Variants in ANO1 observed in about 807,000 individuals in gnomAD.
ANO1 encodes anoctamin-1.
A neutral mutation model predicts 124.0 loss-of-function variants in ANO1; 59 were observed. The observed-to-expected ratio is 0.48, with a 90% confidence interval of 0.39 to 0.59. The LOEUF is 0.59. Ranked by LOEUF, ANO1 falls within the 20% of genes least tolerant of loss-of-function variation. ANO1 has a pLI of 0.00. For synonymous variants in ANO1, 529 were observed against 532.0 expected (o/e 0.99, Z 0.08); for missense variants, 1,059 against 1,328.0 (o/e 0.80, Z 3.15).
At chr11:70,075,233 A>G (rs571334378), upstream of ANO1, 4 of 152,290 alleles carry the variant, frequency 2.6e-5, no homozygotes, top group African/African-American at 9.6e-5. Flanking sequence ...CGGGATGGAA[A>G]TAAAATATCG....
intron 12 of ANO1, among the ~76,000 whole-genome samples, chr11:70,150,482 A>G (rs749580216): frequency 1.3e-5 from 2 of 152,312 alleles, no homozygotes; most frequent in East Asian, 1.9e-4. Flanking sequence ...AGGCGACCTC[A>G]TGCACGCGCT....
upstream of ANO1, among the ~76,000 whole-genome samples, chr11:69,984,261 T>C (rs554005264): frequency 2.1e-4 from 32 of 152,330 alleles, 1 homozygote; most frequent in South Asian, 6.4e-3. Flanking sequence ...ATCCATCCTC[T>C]TTTGCCCTCC....
chr11:70,179,357 A>G (rs1375777700), intron 22 of ANO1, among the ~76,000 whole-genome samples: 1 of 152,210 alleles, frequency 6.6e-6, no homozygotes, highest in Non-Finnish European at 1.5e-5. Flanking sequence ...TTCCTGGGCC[A>G]TTGAGGGCCT....
chr11:70,028,298 T>C (rs1591044068), intron 1 of ANO1, among the ~76,000 whole-genome samples: 1 of 152,294 alleles, frequency 6.6e-6, no homozygotes, highest in South Asian at 2.1e-4. Flanking sequence ...ACCAGGCGCC[T>C]TTCTCTGATG....
chr11:70,146,935 A>T (rs1251234713), intron 11 of ANO1, among the ~76,000 whole-genome samples: 1 of 152,006 alleles, frequency 6.6e-6, no homozygotes, highest in African/African-American at 2.4e-5. Flanking sequence ...GTGCCCACCC[A>T]GATGAAGGGT....
intron 2 of ANO1, among the ~76,000 whole-genome samples, chr11:70,090,001 TTG>T (rs1590699706): frequency 5.0e-4 from 43 of 85,664 alleles, no homozygotes; most frequent in African/African-American, 2.7e-3. Flanking sequence ...GTTTGTTTGT[TTG>T]TTTGTTTGTT....
chr11:70,161,567 G>C, intron 17 of ANO1, 55 bp from the exon 18 acceptor site: 1 of 1,575,768 alleles, frequency 6.3e-7, no homozygotes, highest in African/African-American at 1.3e-5. Flanking sequence ...GCTGGACCAG[G>C]CTGTTGGGGG....
intron 1 of ANO1, among the ~76,000 whole-genome samples, chr11:70,003,606 GAT>G (rs880002496): frequency 0.43 from 58,746 of 137,492 alleles, 13,006 homozygotes; most frequent in Admixed American, 0.49. Flanking sequence ...TGGATGGATG[GAT>G]GGATGGATGG....
chr11:70,188,216 T>A lies in ANO1; in HGVS notation c.*212T>A. ...AAGCCATTATGCAGGGAATATTTTTTAATCTGTAGTATTCAAGATGAATCA... is the reference window on the plus strand; with the variant it reads ...AAGCCATTATGCAGGGAATATTTTTAAATCTGTAGTATTCAAGATGAATCA... On this transcript the variant is annotated 3_prime_UTR_variant, in exon 26 of 26. Transcript: ENST00000355303. 1 of 626,050 alleles carries A rather than the reference T, an allele frequency of 1.6e-6. No individual in the cohort carries two copies. Among genetic ancestry groups the A allele is most frequent in the East Asian group, 2.8e-5 (1 of 35,696 alleles). The allele number at this position is 626,050 out of a possible 1,614,324, so 38.8% of individuals were successfully genotyped here. A position where few individuals can be genotyped will look rare whatever the true frequency, so the allele number is the denominator to read the frequency against.
intron 22 of ANO1, among the ~76,000 whole-genome samples, chr11:70,172,854 A>C (rs1261000072): frequency 6.6e-6 from 1 of 151,882 alleles, no homozygotes; most frequent in African/African-American, 2.4e-5. Context: ...TGACAGAGTG[A>C]GACTCCATCT....
intron 23 of ANO1, 31 bp downstream of exon 23, chr11:70,180,087 G>A (rs2048875060): frequency 1.2e-6 from 2 of 1,600,490 alleles, no homozygotes; most frequent in South Asian, 2.2e-5. Context: ...TGGCAGAATG[G>A]AAGTCCCGGC....
upstream of ANO1, among the ~76,000 whole-genome samples, chr11:70,073,395 G>C (rs2044008210): frequency 6.6e-6 from 1 of 152,224 alleles, no homozygotes; most frequent in African/African-American, 2.4e-5. Flanking sequence ...TGCACTTGCA[G>C]ATGGCTGTAA....
Position 70,105,609 on chromosome 11 carries a change from G to A in ANO1, c.693-125G>A, listed in dbSNP as rs543516258. On this transcript the variant is annotated intron_variant, in intron 4 of 25. Transcript: ENST00000355303. ...GCGGACGGGTCATACCTGGCGTGCG[G>A]ACAGAGTTCTGTCCATTTCACGGTC... The A allele has an allele frequency of 5.6e-6, 5 of 890,554 alleles. No individual in the cohort carries two copies. In the African/African-American group the frequency reaches 8.2e-5, roughly 15 times the overall value. 55.2% of individuals were successfully genotyped at this position (890,554 alleles called of 1,614,324 possible).
At chr11:70,157,406 A>G (rs1565259728) in intron 16 of ANO1, among the ~76,000 whole-genome samples, 4 of 149,404 alleles carry the variant, frequency 2.7e-5, no homozygotes, top group Non-Finnish European at 1.5e-5. Flanking sequence ...GTGTCCTCCA[A>G]GACCTGATTC....
intron 1 of ANO1, among the ~76,000 whole-genome samples, chr11:69,991,345 G>C (rs1484310090): frequency 1.3e-5 from 2 of 152,164 alleles, no homozygotes; most frequent in Non-Finnish European, 2.9e-5. Context: ...GGGTAGGTTT[G>C]GGATGCCCTG....
At chr11:69,983,450 G>T (rs920373774), upstream of ANO1, among the ~76,000 whole-genome samples, 9 of 152,080 alleles carry the variant, frequency 5.9e-5, no homozygotes, top group African/African-American at 2.2e-4. Flanking sequence ...CCACCTCCCC[G>T]AGCCAGTGCA....
chr11:70,061,480 C>T (rs1328531755), intron 1 of ANO1, among the ~76,000 whole-genome samples: 1 of 149,086 alleles, frequency 6.7e-6, no homozygotes, highest in Non-Finnish European at 1.5e-5. Flanking sequence ...CCCCACCTCC[C>T]CCTCCCCCTC....
intron 23 of ANO1, among the ~76,000 whole-genome samples, chr11:70,181,639 A>G (rs1463750115): frequency 6.6e-6 from 1 of 152,142 alleles, no homozygotes; most frequent in Non-Finnish European, 1.5e-5. Flanking sequence ...AACAACAATA[A>G]CAGCAGGCTG....
At chr11:70,124,918 G>A (rs1227366060) in intron 9 of ANO1, among the ~76,000 whole-genome samples, 2 of 152,188 alleles carry the variant, frequency 1.3e-5, no homozygotes, top group South Asian at 2.1e-4. Context: ...GGCACCTCCC[G>A]GCCAAGGTTC....
Sources: allele counts gnomAD v4.1 joint callset (sites outside exome capture counted in the v4.1 genomes callset), GRCh38; gene constraint gnomAD v4.1.1; transcripts MANE v1.5; gene names NCBI Gene and HGNC (gene_info 2026-07-23, HGNC 2026-07-21).